Variants in SIRPG observed in about 807,000 individuals in gnomAD.
The protein encoded by SIRPG is signal regulatory protein gamma.
Under a neutral mutation model 35.7 loss-of-function variants are expected in SIRPG, and 38 were observed. The ratio of observed to expected loss-of-function variants is 1.06; its 90% confidence interval spans 0.82 to 1.40. The LOEUF is 1.40. Ranked by LOEUF, SIRPG falls within the 40% of genes most tolerant of loss-of-function variation. SIRPG has a pLI of 0.00. For missense variants in SIRPG, 519 were observed against 483.0 expected (o/e 1.07, Z -0.70); for synonymous variants, 215 against 190.4 (o/e 1.13, Z -1.06).
the SIRPG span, among the ~76,000 whole-genome samples, chr20:1,683,847 T>C: frequency 1.3e-5 from 2 of 152,008 alleles, no homozygotes; most frequent in Non-Finnish European, 2.9e-5. Flanking sequence ...CGGACATCTG[T>C]AATCCCAGCT....
At chr20:1,683,115 G>C in the SIRPG span, among the ~76,000 whole-genome samples, 1 of 152,142 alleles carries the variant, frequency 6.6e-6, no homozygotes, top group Non-Finnish European at 1.5e-5. Flanking sequence ...CTCAAAAGAA[G>C]ACATTAAAAT....
intron 1 of SIRPG, among the ~76,000 whole-genome samples, chr20:1,649,629 CTTTTTTTTT>C (rs35561366): frequency 1.3e-5 from 1 of 75,764 alleles, no homozygotes; most frequent in African/African-American, 5.7e-5. Context: ...CAGAGAGGTT[CTTTTTTTTT>C]TTTTTTTTTT....
chr20:1,671,425 T>A, the SIRPG span, among the ~76,000 whole-genome samples: 1 of 152,164 alleles, frequency 6.6e-6, no homozygotes, highest in East Asian at 1.9e-4. Context: ...CTTCCACCAA[T>A]CTGGGCACAG....
In SIRPG at chr20:1,649,131, G is replaced by GT; in HGVS notation, c.350dup (p.Tyr117Ter). The change falls in exon 2 of 6, where the codon TAC (tyrosine) becomes TAAC (stop). Residue 117 changes from tyrosine (Y) to a stop codon, truncating the protein, a stop_gained and frameshift_variant. Transcript: ENST00000303415. LOFTEE classifies it high-confidence loss of function. ...TCCCTTTTCGAAACTTCACACAGTA[G>GT]TATGTGCCGACATCTGCTGGGGTGA... ...SSITPADVGT[Y>*]YCVKFRKGSP... is the part of the protein sequence containing the mutation. The GT allele has an allele frequency of 6.2e-7, 1 of 1,613,986 alleles. No individual in the cohort carries two copies. The highest frequency in any genetic ancestry group is 2.2e-5 in the East Asian group (1 of 44,880).
chr20:1,656,577 C>T (rs1050137780), intron 1 of SIRPG, among the ~76,000 whole-genome samples: 1 of 152,176 alleles, frequency 6.6e-6, no homozygotes, highest in African/African-American at 2.4e-5. Context: ...TTGTGCCCAG[C>T]CCTGTGACCG....
the SIRPG span, among the ~76,000 whole-genome samples, chr20:1,680,453 G>A: frequency 2.0e-5 from 3 of 152,170 alleles, no homozygotes; most frequent in African/African-American, 7.2e-5. Flanking sequence ...TGGAAACTAA[G>A]CTTCCACTAG....
At chr20:1,641,161 T>C (rs2091848968) in intron 2 of SIRPG, among the ~76,000 whole-genome samples, 1 of 152,176 alleles carries the variant, frequency 6.6e-6, no homozygotes, top group South Asian at 2.1e-4. Flanking sequence ...TTTCTAGTAT[T>C]TGGAATAGTT....
rs202030267 is a variant in SIRPG, at chr20:1,657,695, C to T, written c.20G>A (p.Trp7Ter). ...CAGGAAAGGACCAGGAGGATGGGGC[C>T]AGGAGGCTGGGACAGGCATTTTGGA... MPVPAS[W>*]PHPPGPFLLL... Residue 7 changes from tryptophan to a stop codon, truncating the protein, a stop_gained, in exon 1 of 6, where the codon TGG becomes TAG. Coordinates refer to ENST00000303415, the MANE Select transcript of SIRPG (RefSeq NM_018556.4). LOFTEE classifies it high-confidence loss of function. 6.2e-7 allele frequency: 1 copy of T among 1,614,140 alleles called. No individual in the cohort carries two copies. The highest frequency in any genetic ancestry group is 8.5e-7 in the Non-Finnish European group (1 of 1,180,016).
At chr20:1,663,325 A>G in the SIRPG span, among the ~76,000 whole-genome samples, 6 of 152,176 alleles carry the variant, frequency 3.9e-5, no homozygotes, top group African/African-American at 1.4e-4. Flanking sequence ...ATCTCAAAAA[A>G]TAAAAAAAAA....
upstream of SIRPG, among the ~76,000 whole-genome samples, chr20:1,658,536 A>G (rs537737912): frequency 1.3e-5 from 2 of 152,228 alleles, no homozygotes; most frequent in Admixed American, 1.3e-4. Context: ...CTGAGTTCGG[A>G]TGGGAAATGA....
At chr20:1,634,965 C>A (rs1254569103) in intron 4 of SIRPG, among the ~76,000 whole-genome samples, 2 of 151,782 alleles carry the variant, frequency 1.3e-5, no homozygotes, top group Non-Finnish European at 2.9e-5. Flanking sequence ...ATGGCGTGAA[C>A]CCGGGAGGCG....
At chr20:1,636,711 G>A (rs1250823003) in intron 2 of SIRPG, among the ~76,000 whole-genome samples, 4 of 152,184 alleles carry the variant, frequency 2.6e-5, no homozygotes, top group East Asian at 3.8e-4. Context: ...ACAGTGTAGG[G>A]AAAGGTCCCA....
chr20:1,632,385 A>G (rs890369821), intron 4 of SIRPG, among the ~76,000 whole-genome samples: 1 of 152,160 alleles, frequency 6.6e-6, no homozygotes, highest in Non-Finnish European at 1.5e-5. Context: ...CTCCCACGCC[A>G]CTGGTGCAGC....
At chr20:1,647,092 G>A (rs2091903513) in intron 2 of SIRPG, 1 of 145,214 alleles carries the variant, frequency 6.9e-6, no homozygotes, top group South Asian at 2.5e-4. Context: ...CTGGTGGGGA[G>A]GAAATCTTGG....
chr20:1,654,734 A>G (rs2091964480), intron 1 of SIRPG, among the ~76,000 whole-genome samples: 1 of 152,244 alleles, frequency 6.6e-6, no homozygotes, highest in Non-Finnish European at 1.5e-5. Context: ...AACAATCAAC[A>G]GAGTGAAGAG....
chr20:1,658,420 G>T (rs1011352764), upstream of SIRPG, among the ~76,000 whole-genome samples: 2 of 152,258 alleles, frequency 1.3e-5, no homozygotes, highest in East Asian at 3.9e-4. Context: ...TATGGAAAGG[G>T]GATAGGGTTA....
the SIRPG span, among the ~76,000 whole-genome samples, chr20:1,670,664 A>G: frequency 1.3e-5 from 2 of 152,174 alleles, no homozygotes; most frequent in Admixed American, 1.3e-4. Context: ...CAAGCTATCT[A>G]TCTATCTAGC....
intron 2 of SIRPG, among the ~76,000 whole-genome samples, chr20:1,644,959 C>T (rs1482811645): frequency 6.6e-6 from 1 of 152,192 alleles, no homozygotes; most frequent in Admixed American, 6.5e-5. Flanking sequence ...CCATGGGAGC[C>T]TCCTATCACT....
At chr20:1,651,762 T>C (rs2091941611) in intron 1 of SIRPG, among the ~76,000 whole-genome samples, 1 of 152,186 alleles carries the variant, frequency 6.6e-6, no homozygotes, top group Non-Finnish European at 1.5e-5. Context: ...TGTTGTGCTA[T>C]GCACAGCTAT....
Sources: allele counts gnomAD v4.1 joint callset (sites outside exome capture counted in the v4.1 genomes callset), GRCh38; gene constraint gnomAD v4.1.1; transcripts MANE v1.5; gene names NCBI Gene and HGNC (gene_info 2026-07-23, HGNC 2026-07-21).